Variants in AGT observed in about 807,000 individuals in gnomAD.
The protein encoded by AGT is angiotensinogen.
In AGT, 26 loss-of-function variants were observed where a neutral mutation model predicts 28.1. That is an observed-to-expected ratio of 0.92 (90% CI 0.68 to 1.28). The LOEUF (loss-of-function observed/expected upper bound fraction) is 1.28, where lower values mean the gene tolerates loss of function less well. Among genes scored for constraint, AGT ranks in the 50% most tolerant of loss-of-function variants. The pLI is 0.00. For missense variants in AGT, 596 were observed against 592.3 expected (o/e 1.01, Z -0.06); for synonymous variants, 259 against 259.6 (o/e 1.00, Z 0.02).
At chr1:230,745,302 T>C (rs1299683998) in intron 1 of AGT, among the ~76,000 whole-genome samples, 1 of 152,152 alleles carries the variant, frequency 6.6e-6, no homozygotes, top group Admixed American at 6.5e-5. Flanking sequence ...GTGCCAGACT[T>C]TGCAAGTGGC....
intron 1 of AGT, among the ~76,000 whole-genome samples, chr1:230,733,630 G>A (rs1228820904): frequency 6.6e-6 from 1 of 152,200 alleles, no homozygotes; most frequent in Non-Finnish European, 1.5e-5. Flanking sequence ...GAAGGCACTA[G>A]AAGGACAGAC....
chr1:230,734,536 T>C (rs1664121502), intron 1 of AGT, among the ~76,000 whole-genome samples: 1 of 152,104 alleles, frequency 6.6e-6, no homozygotes, highest in Non-Finnish European at 1.5e-5. Context: ...ATGGTTAAGG[T>C]TGTAAATTTT....
At chr1:230,732,678 T>G (rs1423053652) in intron 1 of AGT, among the ~76,000 whole-genome samples, 3 of 152,218 alleles carry the variant, frequency 2.0e-5, no homozygotes, top group Non-Finnish European at 4.4e-5. Flanking sequence ...AAATAAAATG[T>G]TACTAAGAAA....
intron 2 of AGT, 123 bp from the exon 3 acceptor site, chr1:230,706,323 C>A (rs924141482): frequency 2.8e-6 from 3 of 1,089,572 alleles, no homozygotes; most frequent in Non-Finnish European, 3.9e-6. Flanking sequence ...TTCCTTGGCC[C>A]CCCCCAGGCC....
chr1:230,705,255 T>C (rs1663349420), intron 3 of AGT, among the ~76,000 whole-genome samples: 1 of 151,564 alleles, frequency 6.6e-6, no homozygotes, highest in Non-Finnish European at 1.5e-5. Context: ...CAAATTTTGT[T>C]ACGTATATTT....
Position 230,702,833 on chromosome 1 carries a change from CT to C in AGT, c.*307del. On this transcript the variant is annotated 3_prime_UTR_variant, in exon 5 of 5. Transcript: ENST00000366667. The stretch of plus-strand genomic sequence containing the variant: ...ACAAACAAGCTGGTCGGTTGGAATT[CT>C]TTTTGGAACAGTAGTCCCGCGCTAA... 2.9e-6 allele frequency: 1 copy of C among 340,012 alleles called. No individual in the cohort carries two copies. Among genetic ancestry groups the C allele is most frequent in the Non-Finnish European group, 5.4e-6 (1 of 185,104 alleles). 21.1% of individuals were successfully genotyped at this position (340,012 alleles called of 1,614,324 possible).
intron 1 of AGT, among the ~76,000 whole-genome samples, chr1:230,713,777 G>T (rs985999112): frequency 2.6e-5 from 4 of 152,114 alleles, no homozygotes; most frequent in Admixed American, 1.3e-4. Flanking sequence ...AGGACCCGGT[G>T]GACTCTTGGC....
At chr1:230,707,230 C>G (rs1360474398) in intron 2 of AGT, among the ~76,000 whole-genome samples, 1 of 152,218 alleles carries the variant, frequency 6.6e-6, no homozygotes, top group Non-Finnish European at 1.5e-5. Context: ...ATGACAGCAG[C>G]CCACCCTCTG....
chr1:230,725,053 C>G (rs1297901788), intron 1 of AGT, among the ~76,000 whole-genome samples: 1 of 152,138 alleles, frequency 6.6e-6, no homozygotes, highest in Non-Finnish European at 1.5e-5. Flanking sequence ...GGAAAAGAAT[C>G]TATCCTGATG....
At chr1:230,728,846 C>T (rs1664000490) in intron 1 of AGT, among the ~76,000 whole-genome samples, 1 of 152,230 alleles carries the variant, frequency 6.6e-6, no homozygotes, top group South Asian at 2.1e-4. Context: ...CAACCTTATA[C>T]TCCCTGCAAT....
At chr1:230,730,938 A>C (rs1441577286) in intron 1 of AGT, among the ~76,000 whole-genome samples, 1 of 152,186 alleles carries the variant, frequency 6.6e-6, no homozygotes, top group Non-Finnish European at 1.5e-5. Context: ...ACTGCTTGCT[A>C]TTGCCAAGAG....
At position 230,722,173 on chromosome 1, in the gene AGT, G is replaced by A. The variant is rs1663858372; in HGVS notation, c.-30-11320C>T. Among the ~76,000 whole-genome samples the A allele has an allele frequency of 3.3e-5, 5 of 152,248 alleles. No homozygotes were observed. In the South Asian group the frequency reaches 1.0e-3, roughly 32 times the overall value. On this transcript the variant is annotated intron_variant, in intron 1 of 4. Coordinates refer to the AGT transcript ENST00000681269. ...GGGCCAAGGTACAGCTCAGGCCATT[G>A]CTTCAGAGGGTGCAAGCCCCAAGCC...
intron 2 of AGT, among the ~76,000 whole-genome samples, chr1:230,709,211 A>G (rs990554344): frequency 5.3e-5 from 8 of 152,234 alleles, no homozygotes; most frequent in African/African-American, 1.9e-4. Context: ...GCCTCCTCTG[A>G]GATGCCAGGC....
chr1:230,709,112 G>GGA (rs1281837099), intron 2 of AGT, among the ~76,000 whole-genome samples: 1 of 152,294 alleles, frequency 6.6e-6, no homozygotes, highest in East Asian at 1.9e-4. Flanking sequence ...GTTACCTTGT[G>GGA]GAGCACGTTT....
chr1:230,725,443 G>A (rs1210507714), intron 1 of AGT, among the ~76,000 whole-genome samples: 1 of 152,174 alleles, frequency 6.6e-6, no homozygotes, highest in Non-Finnish European at 1.5e-5. Flanking sequence ...TACTACTGCA[G>A]CAACATGTCA....
intron 1 of AGT, among the ~76,000 whole-genome samples, chr1:230,732,129 T>C (rs1664080814): frequency 1.3e-5 from 2 of 152,110 alleles, no homozygotes; most frequent in Non-Finnish European, 2.9e-5. Flanking sequence ...TATGTGCTGG[T>C]TTATGTACAG....
At chr1:230,741,834 C>G (rs1664253553) in intron 1 of AGT, among the ~76,000 whole-genome samples, 1 of 152,162 alleles carries the variant, frequency 6.6e-6, no homozygotes, top group Non-Finnish European at 1.5e-5. Flanking sequence ...GGAGGGAAGG[C>G]AGAGCCCACC....
At chr1:230,744,816 A>T (rs1409351118) in intron 1 of AGT, among the ~76,000 whole-genome samples, 2 of 152,088 alleles carry the variant, frequency 1.3e-5, no homozygotes, top group Admixed American at 6.5e-5. Flanking sequence ...TGCTGAGCAA[A>T]CCCTTTACAG....
intron 1 of AGT, among the ~76,000 whole-genome samples, chr1:230,736,786 G>A (rs1664164204): frequency 6.6e-6 from 1 of 152,162 alleles, no homozygotes; most frequent in Non-Finnish European, 1.5e-5. Context: ...TTTCCTGCTA[G>A]GCTGGGCTTC....
Sources: gnomAD v4.1 joint callset for allele counts (sites outside exome capture counted in the v4.1 genomes callset) on GRCh38, gnomAD v4.1.1 for gene constraint, MANE v1.5 for transcripts, NCBI Gene and HGNC (gene_info 2026-07-23, HGNC 2026-07-21) for gene names.